The following UTRN variants were observed in gnomAD, a reference collection of about 807,000 sequenced individuals.
UTRN encodes utrophin.
Under a neutral mutation model 463.9 loss-of-function variants are expected in UTRN, and 283 were observed. That is an observed-to-expected ratio of 0.61 (90% confidence interval 0.55 to 0.67). UTRN has a LOEUF of 0.67. Ranked by LOEUF, UTRN falls within the 30% of genes least tolerant of loss-of-function variation. The pLI is 0.00. For missense variants in UTRN, 3,922 were observed against 4,084.3 expected, an observed-to-expected ratio of 0.96 and a Z score of 1.08; for synonymous variants, 1,442 against 1,431.5, an observed-to-expected ratio of 1.01 and a Z score of -0.17.
intron 35 of UTRN, 52 bp from the exon 36 acceptor site, chr6:144,513,857 C>T: frequency 6.4e-7 from 1 of 1,566,996 alleles, no homozygotes; most frequent in Non-Finnish European, 8.7e-7. Flanking sequence ...TTAAGATTAT[C>T]ATCTTAAATA....
intron 60 of UTRN, among the ~76,000 whole-genome samples, chr6:144,781,562 A>T (rs1180407025): frequency 6.6e-6 from 1 of 152,172 alleles, no homozygotes; most frequent in Non-Finnish European, 1.5e-5. Context: ...AATATTTGAG[A>T]TGCGCTGCCA....
chr6:144,659,541 G>A (rs1779647124), intron 51 of UTRN, among the ~76,000 whole-genome samples: 1 of 152,182 alleles, frequency 6.6e-6, no homozygotes, highest in South Asian at 2.1e-4. Flanking sequence ...CTGACCTAGG[G>A]AAATGGACTG....
chr6:144,637,324 T>C (rs1472446582), intron 51 of UTRN, among the ~76,000 whole-genome samples: 1 of 152,214 alleles, frequency 6.6e-6, no homozygotes, highest in East Asian at 1.9e-4. Context: ...TGTAGTTATG[T>C]GGCCCTTACG....
chr6:144,637,947 T>C (rs1195540712), intron 51 of UTRN, among the ~76,000 whole-genome samples: 1 of 152,216 alleles, frequency 6.6e-6, no homozygotes, highest in African/African-American at 2.4e-5. Context: ...CTTGAGTGAA[T>C]AGGAGGATTC....
At chr6:144,651,733 T>C (rs1276067705) in intron 51 of UTRN, among the ~76,000 whole-genome samples, 30 of 152,258 alleles carry the variant, frequency 2.0e-4, no homozygotes, top group Non-Finnish European at 1.2e-4. Flanking sequence ...TAGTCTTTTC[T>C]ATACCAATGT....
At chr6:144,326,372 C>G (rs1775975248) in intron 2 of UTRN, among the ~76,000 whole-genome samples, 1 of 151,770 alleles carries the variant, frequency 6.6e-6, no homozygotes, top group Non-Finnish European at 1.5e-5. Flanking sequence ...CATAGTCATC[C>G]TAATATTTTT....
intron 2 of UTRN, among the ~76,000 whole-genome samples, chr6:144,374,087 A>G (rs566274521): frequency 3.0e-4 from 46 of 152,286 alleles, no homozygotes; most frequent in Non-Finnish European, 6.0e-4. Context: ...TGATTTATAT[A>G]ATTGGGTACT....
rs181599904 is a variant in UTRN at position 144,748,603 on chromosome 6, A to T, written c.8208+89A>T. 55 of 1,496,740 alleles carry T rather than the reference A, an allele frequency of 3.7e-5. No homozygotes were observed. In the African/African-American group the frequency reaches 7.2e-4, roughly 20 times the overall value. 92.7% of individuals were successfully genotyped at this position (1,496,740 alleles called of 1,614,324 possible). A position where few individuals can be genotyped will look rare whatever the true frequency, so the allele number is the denominator to read the frequency against. ...AAGAGAGCCACGTATATAAATTGTTATAAGGGATTGTTACAAAGCCAACGC... is the reference window on the plus strand; with the variant it reads ...AAGAGAGCCACGTATATAAATTGTTTTAAGGGATTGTTACAAAGCCAACGC... On this transcript the variant is annotated intron_variant, in intron 55 of 74. Transcript: ENST00000367545.
chr6:144,324,748 A>G (rs1775870524), intron 2 of UTRN, among the ~76,000 whole-genome samples: 1 of 152,250 alleles, frequency 6.6e-6, no homozygotes, highest in Non-Finnish European at 1.5e-5. Context: ...TATAATTACA[A>G]TAAGAGAACA....
chr6:144,781,350 C>T (rs1775811243), intron 60 of UTRN, among the ~76,000 whole-genome samples: 2 of 152,128 alleles, frequency 1.3e-5, no homozygotes, highest in South Asian at 2.1e-4. Context: ...TCTTATAGAT[C>T]GGGCTTGATT....
intron 65 of UTRN, among the ~76,000 whole-genome samples, 156 bp from the exon 66 acceptor site, chr6:144,820,726 A>G (rs931927727): frequency 6.6e-6 from 1 of 152,222 alleles, no homozygotes; most frequent in African/African-American, 2.4e-5. Context: ...TCTTATTGCC[A>G]AGTGTTTTCA....
intron 3 of UTRN, among the ~76,000 whole-genome samples, chr6:144,408,638 A>G (rs1409822394): frequency 2.6e-5 from 4 of 152,266 alleles, no homozygotes; most frequent in Non-Finnish European, 5.9e-5. Context: ...TCAAATTGAC[A>G]GAACGTAAGA....
chr6:144,343,060 G>A (rs1448388887), intron 2 of UTRN, among the ~76,000 whole-genome samples: 1 of 152,144 alleles, frequency 6.6e-6, no homozygotes, highest in African/African-American at 2.4e-5. Flanking sequence ...GAGCATAGGG[G>A]AGGTACTGTT....
intron 53 of UTRN, among the ~76,000 whole-genome samples, chr6:144,725,826 A>G (rs1333360675): frequency 6.6e-6 from 1 of 152,258 alleles, no homozygotes; most frequent in African/African-American, 2.4e-5. Context: ...ACAAAACAGG[A>G]TATGAATGGA....
At chr6:144,699,585 G>A (rs1340596467) in intron 52 of UTRN, among the ~76,000 whole-genome samples, 1 of 133,624 alleles carries the variant, frequency 7.5e-6, no homozygotes, top group African/African-American at 2.8e-5. Context: ...GCTCTTAGTG[G>A]TTATTTTCCT....
At chr6:144,403,307 A>T (rs1783091920) in intron 3 of UTRN, 123 bp downstream of exon 3, 1 of 791,514 alleles carries the variant, frequency 1.3e-6, no homozygotes, top group Non-Finnish European at 2.1e-6. Context: ...CTGAGTATGC[A>T]GATACATTTG....
intron 42 of UTRN, among the ~76,000 whole-genome samples, chr6:144,531,522 A>T (rs1173952495): frequency 6.6e-6 from 1 of 152,222 alleles, no homozygotes; most frequent in African/African-American, 2.4e-5. Flanking sequence ...AACAGAAAAA[A>T]TATTTGCATG....
At chr6:144,396,334 T>C (rs555706465) in intron 2 of UTRN, among the ~76,000 whole-genome samples, 1 of 152,168 alleles carries the variant, frequency 6.6e-6, no homozygotes, top group Non-Finnish European at 1.5e-5. Flanking sequence ...GGCAAATGCA[T>C]AGAAACGGAC....
intron 2 of UTRN, among the ~76,000 whole-genome samples, chr6:144,343,363 A>AACAC (rs3061626): frequency 0.063 from 8,507 of 135,306 alleles, 310 homozygotes; most frequent in African/African-American, 0.073. Context: ...GTCTCTACTA[A>AACAC]ACACACACAC....
Sources: gnomAD v4.1 joint callset for allele counts (sites outside exome capture counted in the v4.1 genomes callset) on GRCh38, gnomAD v4.1.1 for gene constraint, MANE v1.5 for transcripts, NCBI Gene and HGNC (gene_info 2026-07-23, HGNC 2026-07-21) for gene names.